SF3B1: variants seen among roughly 807,000 people sequenced by gnomAD.
SF3B1 encodes the protein splicing factor 3b subunit 1, also known as pre-mRNA processing 10.
A neutral mutation model predicts 153.8 loss-of-function variants in SF3B1; 12 were observed. The observed-to-expected ratio is 0.08, with a 90% CI of 0.05 to 0.13. The LOEUF (loss-of-function observed/expected upper bound fraction) is 0.13, where lower values mean the gene tolerates loss of function less well. Among genes scored for constraint, SF3B1 ranks in the 10% least tolerant of loss-of-function variants. SF3B1 has a pLI of 1.00. For synonymous variants in SF3B1, 498 were observed against 525.2 expected (o/e 0.95, Z 0.71); for missense variants, 513 against 1,606.1 (o/e 0.32, Z 11.63).
At chr2:197,403,076 A>G in intron 12 of SF3B1, 41 bp from the exon 13 acceptor site, 1 of 1,349,100 alleles carries the variant, frequency 7.4e-7, no homozygotes, top group Non-Finnish European at 1.1e-6. Context: ...TTTCACATCA[A>G]TTACTGATGA....
At chr2:197,429,655 G>A (rs937869500) in intron 1 of SF3B1, among the ~76,000 whole-genome samples, 4 of 151,952 alleles carry the variant, frequency 2.6e-5, no homozygotes, top group African/African-American at 4.8e-5. Context: ...GTGATGGCGC[G>A]CGTCTGTAGT....
At chr2:197,418,464 T>A (rs201149505) in intron 5 of SF3B1, 45 bp downstream of exon 5, 2 of 1,426,326 alleles carry the variant, frequency 1.4e-6, no homozygotes, top group East Asian at 4.6e-5. Flanking sequence ...ACAACTGTAT[T>A]TATATTCTTT....
At chr2:197,433,187 G>A (rs1179433817) in intron 1 of SF3B1, among the ~76,000 whole-genome samples, 1 of 152,222 alleles carries the variant, frequency 6.6e-6, no homozygotes, top group Non-Finnish European at 1.5e-5. Flanking sequence ...ATCATCCCCT[G>A]ACATATCCCA....
At position 197,416,555 on chromosome 2, in the gene SF3B1, C is replaced by A. The variant is rs907628097; in HGVS notation, c.666+186G>T. The A allele has an allele frequency of 1.3e-5, 7 of 532,350 alleles. No individual in the cohort carries two copies. In the Admixed American group the frequency reaches 1.4e-4, roughly 10 times the overall value. 33.0% of individuals were successfully genotyped at this position (532,350 alleles called of 1,614,324 possible). On this transcript the variant is annotated intron_variant, in intron 6 of 24. Coordinates refer to ENST00000335508, the MANE Select transcript of SF3B1 (RefSeq NM_012433.4). Reference sequence around the variant, plus strand: ...GAGGACACAGCAAGAAAGCCCTCAACAAACACCAACCCTGTTGGCACTCTG... The same window carrying A: ...GAGGACACAGCAAGAAAGCCCTCAAAAAACACCAACCCTGTTGGCACTCTG...
intron 1 of SF3B1, among the ~76,000 whole-genome samples, chr2:197,432,389 T>C (rs928255845): frequency 2.1e-4 from 32 of 152,266 alleles, no homozygotes; most frequent in Non-Finnish European, 3.7e-4. Flanking sequence ...AACTGCTGGA[T>C]GGCAAGATTA....
intron 1 of SF3B1, among the ~76,000 whole-genome samples, chr2:197,432,930 G>C (rs2085464324): frequency 6.6e-6 from 1 of 152,120 alleles, no homozygotes; most frequent in African/African-American, 2.4e-5. Context: ...TAAATAAATA[G>C]TTATCAGTTT....
chr2:197,418,623 A>G, intron 4 of SF3B1, 35 bp from the exon 5 acceptor site: 1 of 1,593,612 alleles, frequency 6.3e-7, no homozygotes, highest in Non-Finnish European at 8.6e-7. Context: ...AAAAGAGTAC[A>G]ATAAATAAAA....
At chr2:197,413,177 G>A (rs2085097881) in intron 6 of SF3B1, among the ~76,000 whole-genome samples, 1 of 152,052 alleles carries the variant, frequency 6.6e-6, no homozygotes, top group African/African-American at 2.4e-5. Flanking sequence ...AAGGTGGGGG[G>A]ATCACTTGAG....
chr2:197,411,666 C>T (rs1284419480), intron 6 of SF3B1, among the ~76,000 whole-genome samples: 2 of 146,888 alleles, frequency 1.4e-5, no homozygotes, highest in South Asian at 2.2e-4. Flanking sequence ...AGTGAGACCC[C>T]GTCTCAAAAA....
At chr2:197,414,189 A>G (rs551201809) in intron 6 of SF3B1, among the ~76,000 whole-genome samples, 3 of 152,376 alleles carry the variant, frequency 2.0e-5, no homozygotes, top group East Asian at 3.9e-4. Context: ...AAGAAAATCA[A>G]TAATTTTCTT....
intron 4 of SF3B1, chr2:197,419,139 G>T: frequency 2.0e-6 from 1 of 503,626 alleles, no homozygotes. Flanking sequence ...ATCTTATTCT[G>T]ATGTCACGTT....
rs879088283 is a variant in SF3B1, at chr2:197,390,106, C to A, written c.*2197G>T. 4.6e-5 allele frequency: 7 copies of A among 152,168 alleles called. No individual in the cohort carries two copies. The highest frequency in any genetic ancestry group is 2.6e-4 in the Admixed American group (4 of 15,262). 9.4% of individuals were successfully genotyped at this position (152,168 alleles called of 1,614,324 possible). On this transcript the variant is annotated 3_prime_UTR_variant, in exon 25 of 25. Transcript: ENST00000335508. The stretch of plus-strand genomic sequence containing the variant: ...TTTAATAATAAGCACATAAAATAAT[C>A]CAAATATCTGTGAGCCTCTATTTGG...
intron 6 of SF3B1, among the ~76,000 whole-genome samples, chr2:197,411,128 A>C (rs565708847): frequency 1.3e-5 from 2 of 152,130 alleles, no homozygotes; most frequent in Non-Finnish European, 2.9e-5. Context: ...TCTTGGAGAG[A>C]TAAGAGTCTT....
intron 2 of SF3B1, among the ~76,000 whole-genome samples, chr2:197,422,336 C>T (rs943670556): frequency 6.6e-6 from 1 of 151,918 alleles, no homozygotes; most frequent in Admixed American, 6.6e-5. Context: ...TGTTCTCACT[C>T]CTAGGTGGGA....
In SF3B1 at chr2:197,398,134, CAT is replaced by C. The variant is rs2084897044; in HGVS notation, c.3135-20_3135-19del. 4 of 1,578,444 alleles carry C rather than the reference CAT, an allele frequency of 2.5e-6. No individual in the cohort carries two copies. The highest frequency in any genetic ancestry group is 2.6e-6 in the Non-Finnish European group (3 of 1,155,588). ...CAGCTCCCCTAATTTAAAAAATACA[CAT>C]ATTAATTATTGTGACATTAAGAAAA... is the stretch of plus-strand genomic sequence containing the variant. On this transcript the variant is annotated intron_variant, in intron 21 of 24. Coordinates refer to ENST00000335508, the MANE Select transcript of SF3B1 (RefSeq NM_012433.4).
chr2:197,424,123 A>C, intron 1 of SF3B1, 149 bp from the exon 2 acceptor site: 1 of 703,056 alleles, frequency 1.4e-6, no homozygotes, highest in Non-Finnish European at 2.3e-6. Flanking sequence ...AGTAATCACA[A>C]CAGCGTAAGC....
intron 9 of SF3B1, among the ~76,000 whole-genome samples, chr2:197,406,091 T>G (rs2105991431): frequency 6.6e-6 from 1 of 151,098 alleles, no homozygotes; most frequent in East Asian, 1.9e-4. Context: ...TTTTTTTTTT[T>G]TTTTTTAAAG....
chr2:197,398,298 C>T (rs1297673904), intron 21 of SF3B1, among the ~76,000 whole-genome samples, 163 bp downstream of exon 21: 1 of 152,126 alleles, frequency 6.6e-6, no homozygotes, highest in Non-Finnish European at 1.5e-5. Context: ...ATTGCCACCC[C>T]CATTACCATC....
intron 22 of SF3B1, among the ~76,000 whole-genome samples, chr2:197,396,811 T>C (rs986032809): frequency 2.6e-5 from 4 of 152,208 alleles, no homozygotes; most frequent in African/African-American, 9.6e-5. Flanking sequence ...TATTTGCCTC[T>C]TCTTTGACAT....
Sources: gnomAD v4.1 joint callset for allele counts (sites outside exome capture counted in the v4.1 genomes callset) on GRCh38, gnomAD v4.1.1 for gene constraint, MANE v1.5 for transcripts, NCBI Gene and HGNC (gene_info 2026-07-23, HGNC 2026-07-21) for gene names.